PYGM: variants seen among roughly 807,000 people sequenced by gnomAD.
PYGM encodes glycogen phosphorylase, muscle associated.
A neutral mutation model predicts 99.3 loss-of-function variants in PYGM; 81 were observed. The ratio of observed to expected loss-of-function variants is 0.82; its 90% CI spans 0.68 to 0.98. The LOEUF (loss-of-function observed/expected upper bound fraction) is 0.98, where lower values mean the gene tolerates loss of function less well. Ranked by LOEUF, PYGM falls within the 50% of genes least tolerant of loss-of-function variation. The pLI is 0.00. For synonymous variants in PYGM, 436 were observed against 451.5 expected (o/e 0.97, Z 0.44); for missense variants, 1,030 against 1,158.1 (o/e 0.89, Z 1.61).
Position 64,754,867 on chromosome 11 carries a change from G to C in PYGM, c.856-31C>G. ...GACAGCATGAGGCAGCGTGAGTCAG[G>C]GCGGTGGGGGCATGGCCTAAAGCTG... On this transcript the variant is annotated intron_variant, in intron 7 of 19. Coordinates refer to ENST00000164139, the MANE Select transcript of PYGM (RefSeq NM_005609.4). This position sits in a 1 kb window ranked among gnomAD's most constrained non-coding sequence, Gnocchi z 5.5. 1 of 1,612,080 alleles carries C rather than the reference G, an allele frequency of 6.2e-7. No homozygotes were observed. The highest frequency in any genetic ancestry group is 8.5e-7 in the Non-Finnish European group (1 of 1,179,756).
In PYGM at chr11:64,750,488, T is replaced by C; in HGVS notation, c.2065A>G (p.Thr689Ala). ...NMKFMLNGALTIGTMDGANVE... is the reference protein window; with the variant it reads ...NMKFMLNGALAIGTMDGANVE... ...TTGGCCCCGTCCATGGTGCCAATGG[T>C]CAGAGCCCCGTTGAGCATGAACTTC... is the stretch of plus-strand genomic sequence containing the variant. The change falls in exon 17 of 20, where the codon ACC becomes GCC. Residue 689 changes from threonine (T) to alanine (A), a missense_variant. Transcript: ENST00000164139. 1.2e-6 allele frequency: 2 copies of C among 1,614,200 alleles called. No homozygotes were observed. Among genetic ancestry groups the C allele is most frequent in the East Asian group, 2.2e-5 (1 of 44,886 alleles).
In PYGM at chr11:64,759,946, G is replaced by A. The variant is rs368910502; in HGVS notation, c.-48C>T. On this transcript the variant is annotated 5_prime_UTR_variant, in exon 1 of 20. Transcript: ENST00000164139. ...CTGGACTGATGGTAGAGGGGACGGC[G>A]GCCTCAGCACTGCCTCCAGCCAAGG... 105 of 1,606,482 alleles carry A rather than the reference G, an allele frequency of 6.5e-5. No homozygotes were observed. The highest frequency in any genetic ancestry group is 7.6e-5 in the Non-Finnish European group (89 of 1,175,754).
chr11:64,751,697 T>A, intron 14 of PYGM, 42 bp from the exon 15 acceptor site: 1 of 1,608,690 alleles, frequency 6.2e-7, no homozygotes, highest in Non-Finnish European at 8.5e-7. Flanking sequence ...TACCTTTCCC[T>A]CTGGGTAGTA....
Position 64,755,139 on chromosome 11 carries a change from G to A in PYGM, c.855+134C>T. Reference sequence around the variant, plus strand: ...CTTGCACTCAAAAGACTTGAGGTGGGGGCACAGGATGCACAAGGCCAGCAA... The same window carrying A: ...CTTGCACTCAAAAGACTTGAGGTGGAGGCACAGGATGCACAAGGCCAGCAA... On this transcript the variant is annotated intron_variant, in intron 7 of 19. Transcript: ENST00000164139. The surrounding 1 kb of genome is among the most constrained non-coding windows in gnomAD (Gnocchi z 4.1). The A allele has an allele frequency of 9.0e-7, 1 of 1,108,500 alleles. No individual in the cohort carries two copies. Among genetic ancestry groups the A allele is most frequent in the Non-Finnish European group, 1.3e-6 (1 of 744,480 alleles). 68.7% of individuals were successfully genotyped at this position (1,108,500 alleles called of 1,614,324 possible). A position where few individuals can be genotyped will look rare whatever the true frequency, so the allele number is the denominator to read the frequency against.
rs768505332 is a variant in PYGM at position 64,750,457 on chromosome 11, T to G, written c.2096A>C (p.Glu699Ala). ...TTCCTCTCCCGCCTCTTCTGCCATC[T>G]CCACATTGGCCCCGTCCATGGTGCC... ...TIGTMDGANV[E>A]MAEEAGEENF... Residue 699 changes from glutamate (E) to alanine (A), a missense_variant, in exon 17 of 20, where the codon GAG (glutamate) becomes GCG (alanine). Transcript: ENST00000164139. 4 of 1,614,070 alleles carry G rather than the reference T, an allele frequency of 2.5e-6. No individual in the cohort carries two copies. In the African/African-American group the frequency reaches 4.0e-5, roughly 16 times the overall value.
rs370712943 is a variant in PYGM at position 64,755,545 on chromosome 11, A to G, written c.674T>C (p.Met225Thr). The G allele has an allele frequency of 1.2e-6, 2 of 1,613,976 alleles. No individual in the cohort carries two copies. Among genetic ancestry groups the G allele is most frequent in the Non-Finnish European group, 1.7e-6 (2 of 1,179,918 alleles). Residue 225 changes from methionine (M) to threonine (T), a missense_variant, in exon 6 of 20, where the codon ATG becomes ACG. By Grantham distance (81) the Met-to-Thr change is moderately conservative (BLOSUM62 -1). Coordinates refer to ENST00000164139, the MANE Select transcript of PYGM (RefSeq NM_005609.4). This position sits in a 1 kb window ranked among gnomAD's most constrained non-coding sequence, Gnocchi z 4.1. The part of the protein sequence containing the change: ...KWVDTQVVLA[M>T]PYDTPVPGYR... ...GCCAGGCACGGGCGTATCGTAGGGC[A>G]TGGCCAGTACCACCTGCGGGGGGCA... is the stretch of plus-strand genomic sequence containing the variant.
chr11:64,760,098 G>A (rs958332441), upstream of PYGM: 3 of 825,292 alleles, frequency 3.6e-6, no homozygotes, highest in African/African-American at 1.7e-5. Flanking sequence ...GGGAGGAGAG[G>A]AGAGGGGAGG....
chr11:64,754,499 TG>T lies in PYGM; in HGVS notation c.1000-155del. On this transcript the variant is annotated intron_variant, in intron 8 of 19. Coordinates refer to ENST00000164139, the MANE Select transcript of PYGM (RefSeq NM_005609.4). This position sits in a 1 kb window ranked among gnomAD's most constrained non-coding sequence, Gnocchi z 5.5. ...CCGGTGCTCATGGGGGTGGGAGGAA[TG>T]GGGGGAGTGGGGCGGGAGGAGGAGG... The T allele has an allele frequency of 9.7e-6, 2 of 207,038 alleles. No homozygotes were observed. Among genetic ancestry groups the T allele is most frequent in the Non-Finnish European group, 1.3e-5 (2 of 150,214 alleles). 12.8% of individuals were successfully genotyped at this position (207,038 alleles called of 1,614,324 possible).
Position 64,755,391 on chromosome 11 carries a change from G to A in PYGM, c.773-36C>T, listed in dbSNP as rs748791107. 51 of 1,612,206 alleles carry A rather than the reference G, an allele frequency of 3.2e-5. No individual in the cohort carries two copies. In the South Asian group the frequency reaches 4.2e-4, roughly 13 times the overall value. On this transcript the variant is annotated intron_variant, in intron 6 of 19. Coordinates refer to ENST00000164139, the MANE Select transcript of PYGM (RefSeq NM_005609.4). The surrounding 1 kb of genome is among the most constrained non-coding windows in gnomAD (Gnocchi z 4.1). Reference sequence around the variant, plus strand: ...AAAGTGGGGACAGGGTAAGGCCTGCGCTGGGCGTGGCCGGCGGGCAAGCTG... The same window carrying A: ...AAAGTGGGGACAGGGTAAGGCCTGCACTGGGCGTGGCCGGCGGGCAAGCTG...
At position 64,757,899 on chromosome 11, in the gene PYGM, G is replaced by C; in HGVS notation, c.540C>G (p.Ala180=). 1 of 1,613,968 alleles carries C rather than the reference G, an allele frequency of 6.2e-7. No homozygotes were observed. The highest frequency in any genetic ancestry group is 2.2e-5 in the East Asian group (1 of 44,888). ...KISGGWQMEE[A]DDWLRYGNPW... Reference sequence around the variant, plus strand: ...GGTTGCCGTAGCGAAGCCAGTCATCGGCCTCCTCCATCTGCACCCAAGGCA... The same window carrying C: ...GGTTGCCGTAGCGAAGCCAGTCATCCGCCTCCTCCATCTGCACCCAAGGCA... The change falls in exon 5 of 20, where the codon GCC becomes GCG. Residue 180 remains alanine (A), a synonymous_variant. Transcript: ENST00000164139.
Position 64,746,923 on chromosome 11 carries a change from T to C in PYGM, c.2377A>G (p.Lys793Glu), listed in dbSNP as rs763712129. 1 of 1,614,198 alleles carries C rather than the reference T, an allele frequency of 6.2e-7. No individual in the cohort carries two copies. The highest frequency in any genetic ancestry group is 1.1e-5 in the South Asian group (1 of 91,090). The change falls in exon 19 of 20, where the codon AAG becomes GAG. Residue 793 changes from lysine (K) to glutamate (E), a missense_variant and splice_region_variant. Coordinates refer to ENST00000164139, the MANE Select transcript of PYGM (RefSeq NM_005609.4). ...KCQEKVSALY[K>E]NPREWTRMVI... ...ACCCCTGGCCCAGGACCCCTCACCT[T>C]GTACAAGGCGCTGACTTTCTCCTGG...
upstream of PYGM, chr11:64,760,044 G>T (rs764403406): frequency 1.6e-4 from 203 of 1,298,934 alleles, no homozygotes; most frequent in Middle Eastern, 3.6e-3. Context: ...CCTGCAATGG[G>T]AGGGTCTTGG....
upstream of PYGM, chr11:64,760,409 C>T (rs527545746): frequency 1.1e-5 from 2 of 178,578 alleles, no homozygotes; most frequent in South Asian, 2.5e-4. Flanking sequence ...CACTGGATGT[C>T]TTTGAGAAAG....
Position 64,758,450 on chromosome 11 carries a change from C to T in PYGM, c.411G>A (p.Leu137=), listed in dbSNP as rs746345515. 8 of 1,613,988 alleles carry T rather than the reference C, an allele frequency of 5.0e-6. No individual in the cohort carries two copies. The highest frequency in any genetic ancestry group is 1.7e-5 in the Admixed American group (1 of 60,026). ...EEDAGLGNGG[L]GRLAACFLDS... is the part of the protein sequence containing the mutation. ...CTGTCTTCTTACCTGCCAGCCGGCCCAGGCCCCCGTTGCCCAGCCCCGCAT... is the reference window on the plus strand; with the variant it reads ...CTGTCTTCTTACCTGCCAGCCGGCCTAGGCCCCCGTTGCCCAGCCCCGCAT... The change falls in exon 3 of 20, where the codon CTG becomes CTA. Residue 137 remains leucine (L), a synonymous_variant. Coordinates refer to ENST00000164139, the MANE Select transcript of PYGM (RefSeq NM_005609.4).
chr11:64,749,364 C>T (rs1284935779), intron 17 of PYGM, among the ~76,000 whole-genome samples: 2 of 146,996 alleles, frequency 1.4e-5, no homozygotes, highest in Non-Finnish European at 3.0e-5. Flanking sequence ...AACAAAAGGC[C>T]GGGCGCAGTG....
upstream of PYGM, chr11:64,760,102 G>C: frequency 1.2e-6 from 1 of 810,348 alleles, no homozygotes; most frequent in Non-Finnish European, 1.9e-6. Flanking sequence ...GGAGAGGAGA[G>C]GGGAGGGAGA....
Position 64,746,422 on chromosome 11 carries a change from G to A in PYGM, c.*237C>T. ...CTCCCAAGGAGAATGAATTTATTAG[G>A]GAGTGGGTGCAGTTGGTCAGACCCC... On this transcript the variant is annotated 3_prime_UTR_variant, in exon 20 of 20. Transcript: ENST00000164139. The A allele has an allele frequency of 3.3e-6, 2 of 598,882 alleles. No individual in the cohort carries two copies. The allele number at this position is 598,882 out of a possible 1,614,324, so 37.1% of individuals were successfully genotyped here.
chr11:64,751,970 A>T lies in PYGM; in HGVS notation c.1722T>A (p.Tyr574Ter), dbSNP rs119103260. The part of the protein sequence containing the change: ...FDIQVKRIHE[Y>*]KRQLLNCLHV... Reference sequence around the variant, plus strand: ...GGAGGCAGTTGAGGAGCTGTCGTTTATATTCGTGAATCCGCTTCACCTGGA... The same window carrying T: ...GGAGGCAGTTGAGGAGCTGTCGTTTTTATTCGTGAATCCGCTTCACCTGGA... Residue 574 changes from tyrosine to a stop codon, truncating the protein, a stop_gained, in exon 14 of 20, where the codon TAT (tyrosine) becomes TAA (stop). Coordinates refer to ENST00000164139, the MANE Select transcript of PYGM (RefSeq NM_005609.4). LOFTEE classifies it high-confidence loss of function. The T allele has an allele frequency of 6.2e-7, 1 of 1,613,684 alleles. No individual in the cohort carries two copies. The highest frequency in any genetic ancestry group is 8.5e-7 in the Non-Finnish European group (1 of 1,179,850).
chr11:64,759,193 C>A (rs1262864317), intron 1 of PYGM, among the ~76,000 whole-genome samples: 1 of 152,134 alleles, frequency 6.6e-6, no homozygotes, highest in African/African-American at 2.4e-5. Flanking sequence ...TTTCCTGGGT[C>A]CCCTCCTGGG....
Sources: gnomAD v4.1 joint callset for allele counts (sites outside exome capture counted in the v4.1 genomes callset) on GRCh38, gnomAD v4.1.1 for gene constraint, Gnocchi (gnomAD v3.1) non-coding constraint, MANE v1.5 for transcripts, NCBI Gene and HGNC (gene_info 2026-07-23, HGNC 2026-07-21) for gene names.